GEMIN5: variants seen among roughly 807,000 people sequenced by gnomAD.
GEMIN5 encodes gem-associated protein 5.
In GEMIN5, 124 loss-of-function variants were observed where a neutral mutation model predicts 176.9. The observed-to-expected ratio is 0.70, with a 90% CI of 0.61 to 0.81. The LOEUF (loss-of-function observed/expected upper bound fraction) is 0.81, where lower values mean the gene tolerates loss of function less well. GEMIN5 is among the 40% of genes least tolerant of loss of function. GEMIN5 has a pLI of 0.00. For missense variants in GEMIN5, 1,843 were observed against 1,814.6 expected, an observed-to-expected ratio of 1.02 and a Z score of -0.28; for synonymous variants, 673 against 665.2, an observed-to-expected ratio of 1.01 and a Z score of -0.18.
In GEMIN5 at chr5:154,926,387, C is replaced by T. The variant is rs139237130; in HGVS notation, c.1081-313G>A. Reference sequence around the variant, plus strand: ...CCTATTATAGCACTGGTAACCCCCTCATTTGGCAAACTCTAAGGAAGAAGA... The same window carrying T: ...CCTATTATAGCACTGGTAACCCCCTTATTTGGCAAACTCTAAGGAAGAAGA... On this transcript the variant is annotated intron_variant, in intron 7 of 27. Coordinates refer to ENST00000285873, the MANE Select transcript of GEMIN5 (RefSeq NM_015465.5). Among the ~76,000 whole-genome samples the T allele has an allele frequency of 2.4e-3, 363 of 152,278 alleles. 2 individuals are homozygous for T. The highest frequency in any genetic ancestry group is 8.1e-3 in the African/African-American group (338 of 41,560).
intron 5 of GEMIN5, 137 bp from the exon 6 acceptor site, chr5:154,928,796 C>T: frequency 1.5e-6 from 1 of 683,232 alleles, no homozygotes; most frequent in Non-Finnish European, 2.5e-6. Context: ...TCTCATTTTC[C>T]AATGGTTACA....
chr5:154,891,623 T>G lies in GEMIN5; in HGVS notation c.3880A>C (p.Arg1294=). The change falls in exon 26 of 28, where the codon AGA becomes CGA. Residue 1294 remains arginine, a synonymous_variant. Coordinates refer to ENST00000285873, the MANE Select transcript of GEMIN5 (RefSeq NM_015465.5). ...RLYEFWWSLS[R]PCPNSSVWVR... is the part of the protein sequence containing the mutation. Reference sequence around the variant, plus strand: ...CAGACACTGGAATTTGGGCAAGGTCTGGAGAGAGACCACCAGAATTCATAC... The same window carrying G: ...CAGACACTGGAATTTGGGCAAGGTCGGGAGAGAGACCACCAGAATTCATAC... 1 of 1,614,144 alleles carries G rather than the reference T, an allele frequency of 6.2e-7. No individual in the cohort carries two copies. The highest frequency in any genetic ancestry group is 8.5e-7 in the Non-Finnish European group (1 of 1,180,018).
intron 5 of GEMIN5, among the ~76,000 whole-genome samples, chr5:154,928,916 A>G (rs979033425): frequency 4.6e-5 from 7 of 152,036 alleles, no homozygotes; most frequent in Admixed American, 4.6e-4. Context: ...GACAACCTCA[A>G]CGTATTAAGA....
intron 24 of GEMIN5, among the ~76,000 whole-genome samples, chr5:154,892,825 G>A (rs769171104): frequency 5.3e-5 from 8 of 152,160 alleles, no homozygotes; most frequent in East Asian, 1.9e-4. Context: ...TGGGCCAGGC[G>A]CGGTGGCTCA....
chr5:154,912,014 T>C (rs1763713727), intron 14 of GEMIN5, 116 bp from the exon 15 acceptor site: 1 of 889,732 alleles, frequency 1.1e-6, no homozygotes. Flanking sequence ...CGGCCTCTTA[T>C]TTCCTCAGGT....
At chr5:154,913,155 G>A (rs1313346544) in intron 13 of GEMIN5, 117 bp from the exon 14 acceptor site, 5 of 891,270 alleles carry the variant, frequency 5.6e-6, no homozygotes, top group Non-Finnish European at 6.7e-6. Flanking sequence ...ACACTTTCTA[G>A]GTTATTTTTT....
intron 9 of GEMIN5, among the ~76,000 whole-genome samples, chr5:154,923,640 A>T (rs532616872): frequency 6.6e-6 from 1 of 152,358 alleles, no homozygotes; most frequent in South Asian, 2.1e-4. Context: ...CATATGTCAT[A>T]AAACATTCTT....
Position 154,938,035 on chromosome 5 carries a change from C to A in GEMIN5, c.99G>T (p.Arg33=). 4 of 1,552,244 alleles carry A rather than the reference C, an allele frequency of 2.6e-6. No homozygotes were observed. Among genetic ancestry groups the A allele is most frequent in the Non-Finnish European group, 3.5e-6 (4 of 1,153,220 alleles). The change falls in exon 1 of 28, where the codon CGG becomes CGT. Residue 33 remains arginine, a synonymous_variant. Coordinates refer to ENST00000285873, the MANE Select transcript of GEMIN5 (RefSeq NM_015465.5). ...CCACGCGGACAAGGAAGACGGAGGT[C>A]CGCGCGGCGAAGCCAAAGAGGCCCC... is the stretch of plus-strand genomic sequence containing the variant. ...VPGGLFGFAA[R]TSVFLVRVGP... is the part of the protein sequence containing the mutation.
At position 154,891,339 on chromosome 5, in the gene GEMIN5, G is replaced by A. The variant is rs1763221440; in HGVS notation, c.4164C>T (p.His1388=). The A allele has an allele frequency of 6.2e-7, 1 of 1,613,838 alleles. No homozygotes were observed. The highest frequency in any genetic ancestry group is 8.5e-7 in the Non-Finnish European group (1 of 1,179,934). The change falls in exon 26 of 28, where the codon CAC becomes CAT. Residue 1388 remains histidine, a synonymous_variant. Transcript: ENST00000285873. Reference sequence around the variant, plus strand: ...TGGATTTACAGAGTTGACTCTTTTGGTGTTGTCGGATCATTTCTGCCAAGG... The same window carrying A: ...TGGATTTACAGAGTTGACTCTTTTGATGTTGTCGGATCATTTCTGCCAAGG... ...QETLAEMIRQ[H]QKSQLCKSTA...
At position 154,913,045 on chromosome 5, in the gene GEMIN5, G is replaced by C. The variant is rs1582663922; in HGVS notation, c.1856-7C>G. On this transcript the variant is annotated splice_polypyrimidine_tract_variant and splice_region_variant and intron_variant, in intron 13 of 27. Coordinates refer to ENST00000285873, the MANE Select transcript of GEMIN5 (RefSeq NM_015465.5). ...GGAGACTCAGGGCTGCTCTCTAAAAGGCAAAGGAAAGACATCACTGCTGCT... is the reference window on the plus strand; with the variant it reads ...GGAGACTCAGGGCTGCTCTCTAAAACGCAAAGGAAAGACATCACTGCTGCT... The C allele has an allele frequency of 1.2e-6, 2 of 1,601,334 alleles. No homozygotes were observed. Among genetic ancestry groups the C allele is most frequent in the East Asian group, 4.5e-5 (2 of 44,406 alleles).
intron 5 of GEMIN5, among the ~76,000 whole-genome samples, chr5:154,929,403 T>G (rs941083915): frequency 3.3e-5 from 5 of 152,072 alleles, no homozygotes; most frequent in East Asian, 3.9e-4. Flanking sequence ...AAAGAAAAAT[T>G]TGGCAGTGAA....
At chr5:154,896,880 A>G (rs1467023105) in intron 23 of GEMIN5, among the ~76,000 whole-genome samples, 2 of 152,216 alleles carry the variant, frequency 1.3e-5, no homozygotes, top group African/African-American at 4.8e-5. Context: ...TAGAAAATCT[A>G]CTTTCACTAG....
At chr5:154,936,956 A>G in intron 2 of GEMIN5, 69 bp downstream of exon 2, 1 of 1,239,856 alleles carries the variant, frequency 8.1e-7, no homozygotes, top group Non-Finnish European at 1.1e-6. Flanking sequence ...TAGCAAAACT[A>G]GCTTGCAACA....
Position 154,913,627 on chromosome 5 carries a change from C to G in GEMIN5, c.1856-589G>C, listed in dbSNP as rs187539224. Among the ~76,000 whole-genome samples the G allele has an allele frequency of 5.2e-3, 783 of 152,002 alleles. 4 individuals carry two copies. The highest frequency in any genetic ancestry group is 0.018 in the African/African-American group (735 of 41,450). Reference sequence around the variant, plus strand: ...TTGCTTGAGTTCAGGAGTTCAAGACCGGCCTGTGGAAACCCTGACTCTAAA... The same window carrying G: ...TTGCTTGAGTTCAGGAGTTCAAGACGGGCCTGTGGAAACCCTGACTCTAAA... On this transcript the variant is annotated intron_variant, in intron 13 of 27. Transcript: ENST00000285873.
intron 16 of GEMIN5, among the ~76,000 whole-genome samples, chr5:154,906,082 A>G (rs1484361268): frequency 6.6e-6 from 1 of 151,636 alleles, no homozygotes; most frequent in African/African-American, 2.4e-5. Flanking sequence ...TGAGGCCTTA[A>G]CCTCCTGGGC....
intron 24 of GEMIN5, 117 bp from the exon 25 acceptor site, chr5:154,892,666 A>G: frequency 9.9e-7 from 1 of 1,008,132 alleles, no homozygotes; most frequent in Non-Finnish European, 1.4e-6. Context: ...TCACACTTTG[A>G]AAGTTCCTCT....
At chr5:154,904,451 C>T (rs1347507659) in intron 18 of GEMIN5, 56 bp downstream of exon 18, 10 of 1,449,854 alleles carry the variant, frequency 6.9e-6, no homozygotes, top group South Asian at 3.6e-5. Flanking sequence ...AGTAAACATC[C>T]CTTATATACC....
At position 154,924,464 on chromosome 5, in the gene GEMIN5, C is replaced by T; in HGVS notation, c.1379+5G>A. The T allele has an allele frequency of 6.3e-7, 1 of 1,587,250 alleles. No homozygotes were observed. The highest frequency in any genetic ancestry group is 1.3e-5 in the African/African-American group (1 of 74,474). ...ACAATGGAAGAAGAATCACCCATTT[C>T]TTACTTGTTGGAGTAGGTGTCATAC... On this transcript the variant is annotated splice_donor_5th_base_variant and intron_variant, in intron 9 of 27. Coordinates refer to ENST00000285873, the MANE Select transcript of GEMIN5 (RefSeq NM_015465.5).
intron 13 of GEMIN5, among the ~76,000 whole-genome samples, chr5:154,916,193 A>G (rs1763805524): frequency 6.6e-6 from 1 of 152,072 alleles, no homozygotes; most frequent in African/African-American, 2.4e-5. Context: ...TGGCTGACAG[A>G]TATTTGTTAA....
Sources: gnomAD v4.1 joint callset for allele counts (sites outside exome capture counted in the v4.1 genomes callset) on GRCh38, gnomAD v4.1.1 for gene constraint, MANE v1.5 for transcripts, NCBI Gene and HGNC (gene_info 2026-07-23, HGNC 2026-07-21) for gene names.